Variants in CEP85 observed in about 807,000 individuals in gnomAD.
The protein encoded by CEP85 is centrosomal protein 85.
Under a neutral mutation model 93.7 loss-of-function variants are expected in CEP85, and 58 were observed. The ratio of observed to expected loss-of-function variants is 0.62; its 90% confidence interval spans 0.50 to 0.77. CEP85 has a LOEUF of 0.77. CEP85 is among the 30% of genes least tolerant of loss of function. The pLI, the probability that CEP85 is intolerant of heterozygous loss-of-function variation, is 0.00. For missense variants in CEP85, 868 were observed against 922.0 expected (o/e 0.94, Z 0.76); for synonymous variants, 314 against 338.6 (o/e 0.93, Z 0.80).
intron 1 of CEP85, among the ~76,000 whole-genome samples, chr1:26,236,870 A>AATTT (rs1158479492): frequency 6.6e-6 from 1 of 152,206 alleles, no homozygotes; most frequent in African/African-American, 2.4e-5. Flanking sequence ...TAGATTTCAA[A>AATTT]ATTTTCTGAT....
intron 7 of CEP85, among the ~76,000 whole-genome samples, chr1:26,261,778 G>A (rs1056985674): frequency 4.0e-5 from 6 of 151,186 alleles, no homozygotes; most frequent in African/African-American, 1.5e-4. Flanking sequence ...ATTACTCAGA[G>A]CAAAAGTTGC....
rs1225151989 is a variant in CEP85 at position 26,278,671 on chromosome 1, G to C, written c.*1378G>C. 1.3e-5 allele frequency: 2 copies of C among 152,652 alleles called. No individual in the cohort carries two copies. The highest frequency in any genetic ancestry group is 4.8e-5 in the African/African-American group (2 of 41,454). The allele number at this position is 152,652 out of a possible 1,614,324, so 9.5% of individuals were successfully genotyped here. A position where few individuals can be genotyped will look rare whatever the true frequency, so the allele number is the denominator to read the frequency against. ...GAGCCGCCTGGTTGGTCTCCACCCT[G>C]TGCATTGGGAGCCCAGCCACCATGC... On this transcript the variant is annotated 3_prime_UTR_variant, in exon 14 of 14. Coordinates refer to ENST00000451429, the MANE Select transcript of CEP85 (RefSeq NM_001319944.2).
intron 7 of CEP85, chr1:26,263,155 C>CTA (rs2089838743): frequency 4.2e-6 from 1 of 239,240 alleles, no homozygotes; most frequent in South Asian, 6.6e-5. Flanking sequence ...ATCTACATCT[C>CTA]TAGACAAGTG....
rs374754997 is a variant in CEP85, at chr1:26,243,025, C to A, written c.56-1141C>A. Among the ~76,000 whole-genome samples the A allele has an allele frequency of 4.6e-5, 7 of 152,120 alleles. No individual in the cohort carries two copies. In the South Asian group the frequency reaches 1.5e-3, roughly 32 times the overall value. ...TTTAGTGATATCTTCACGTTGCTCT[C>A]AAGATAAAGCCCTAGGCTCTTCAGA... is the stretch of plus-strand genomic sequence containing the variant. On this transcript the variant is annotated intron_variant, in intron 2 of 13. Transcript: ENST00000451429.
chr1:26,276,477 C>A, intron 12 of CEP85, 58 bp from the exon 13 acceptor site: 1 of 1,383,336 alleles, frequency 7.2e-7, no homozygotes. Flanking sequence ...CACTCATGCA[C>A]AGATACTCTT....
chr1:26,234,838 A>T (rs564546970), intron 1 of CEP85, among the ~76,000 whole-genome samples: 1 of 152,150 alleles, frequency 6.6e-6, no homozygotes, highest in Non-Finnish European at 1.5e-5. Flanking sequence ...TTACCCCGGT[A>T]CTTCTCGGCC....
At chr1:26,271,134 G>T in intron 10 of CEP85, 27 bp downstream of exon 10, 2 of 1,388,738 alleles carry the variant, frequency 1.4e-6, no homozygotes, top group South Asian at 2.3e-5. Flanking sequence ...AGGCTGTAAC[G>T]GAGGGTAGGC....
intron 2 of CEP85, among the ~76,000 whole-genome samples, chr1:26,240,074 A>G (rs967382780): frequency 1.3e-5 from 2 of 152,172 alleles, no homozygotes; most frequent in East Asian, 3.8e-4. Flanking sequence ...CATATAAAGG[A>G]TTGGAACAGA....
intron 2 of CEP85, among the ~76,000 whole-genome samples, chr1:26,240,387 C>T (rs532840274): frequency 3.9e-4 from 59 of 152,228 alleles, no homozygotes; most frequent in African/African-American, 1.2e-3. Context: ...ACTCAAGTCC[C>T]TGATATAAAA....
intron 6 of CEP85, 30 bp downstream of exon 6, chr1:26,258,290 G>A: frequency 1.4e-6 from 2 of 1,427,410 alleles, no homozygotes; most frequent in Non-Finnish European, 2.0e-6. Context: ...ATGGCATTCT[G>A]TTTGTCATAA....
At chr1:26,247,525 G>A (rs1486623917) in intron 3 of CEP85, among the ~76,000 whole-genome samples, 3 of 151,868 alleles carry the variant, frequency 2.0e-5, no homozygotes, top group Non-Finnish European at 2.9e-5. Context: ...TTGAGCCCAC[G>A]AGTTTGAGTA....
At chr1:26,245,247 T>G (rs2089491463) in intron 3 of CEP85, among the ~76,000 whole-genome samples, 2 of 151,510 alleles carry the variant, frequency 1.3e-5, no homozygotes, top group South Asian at 2.1e-4. Context: ...CAGGCTGGTC[T>G]CAAACTCTTT....
chr1:26,271,961 C>G, intron 10 of CEP85, 60 bp from the exon 11 acceptor site: 2 of 1,489,392 alleles, frequency 1.3e-6, no homozygotes, highest in Non-Finnish European at 1.9e-6. Context: ...AGCCCCCTTG[C>G]CCTCTGTCCT....
Position 26,259,732 on chromosome 1 carries a change from A to C in CEP85, c.1271A>C (p.Gln424Pro). 1 of 1,614,060 alleles carries C rather than the reference A, an allele frequency of 6.2e-7. No individual in the cohort carries two copies. Among genetic ancestry groups the C allele is most frequent in the East Asian group, 2.2e-5 (1 of 44,884 alleles). Residue 424 changes from glutamine (Q) to proline (P), a missense_variant, in exon 7 of 14, where the codon CAG becomes CCG. Transcript: ENST00000451429. ...CTCTCTGCTTCTGAAGTTGAAGTCC[A>C]GCTCATCAGAGAGTCGCTCAAAGTG... ...KKLSASEVEVQLIRESLKVAL... is the reference protein window; with the variant it reads ...KKLSASEVEVPLIRESLKVAL...
rs1006835818 is a variant in CEP85 at position 26,277,898 on chromosome 1, G to T, written c.*605G>T. The T allele has an allele frequency of 6.5e-6, 1 of 152,820 alleles. No individual in the cohort carries two copies. The highest frequency in any genetic ancestry group is 2.4e-5 in the African/African-American group (1 of 41,396). 9.5% of individuals were successfully genotyped at this position (152,820 alleles called of 1,614,324 possible). ...TAGGATTGGGGCCCTAGGGATTATA[G>T]CCAGGACTCTAATCTGCCTACCATG... On this transcript the variant is annotated 3_prime_UTR_variant, in exon 14 of 14. Coordinates refer to ENST00000451429, the MANE Select transcript of CEP85 (RefSeq NM_001319944.2).
chr1:26,271,121 T>A lies in CEP85; in HGVS notation c.1743+14T>A. ...TCGCTCCAAAAGGTGACTGAGGGTG[T>A]CCAGGCTGTAACGGAGGGTAGGCTG... On this transcript the variant is annotated intron_variant, in intron 10 of 13. Coordinates refer to ENST00000451429, the MANE Select transcript of CEP85 (RefSeq NM_001319944.2). 6.5e-7 allele frequency: 1 copy of A among 1,545,020 alleles called. No individual in the cohort carries two copies. The highest frequency in any genetic ancestry group is 9.0e-7 in the Non-Finnish European group (1 of 1,117,150).
intron 10 of CEP85, 74 bp from the exon 11 acceptor site, chr1:26,271,947 G>A: frequency 7.6e-7 from 1 of 1,309,054 alleles, no homozygotes; most frequent in South Asian, 1.2e-5. Context: ...ACATGTCCTA[G>A]TGCAGCCCCC....
chr1:26,270,332 C>G (rs375433128), intron 9 of CEP85, among the ~76,000 whole-genome samples: 2 of 152,086 alleles, frequency 1.3e-5, no homozygotes, highest in Non-Finnish European at 2.9e-5. Flanking sequence ...CTCCTCAGCC[C>G]TAGGGATTGT....
At chr1:26,277,045 T>G in intron 13 of CEP85, 91 bp from the exon 14 acceptor site, 1 of 1,313,514 alleles carries the variant, frequency 7.6e-7, no homozygotes, top group Non-Finnish European at 1.1e-6. Flanking sequence ...CCCAAGACTG[T>G]GGGTTCAAGA....
Sources: gnomAD v4.1 joint callset for allele counts (sites outside exome capture counted in the v4.1 genomes callset) on GRCh38, gnomAD v4.1.1 for gene constraint, MANE v1.5 for transcripts, NCBI Gene and HGNC (gene_info 2026-07-23, HGNC 2026-07-21) for gene names.